MACF1: variants seen among roughly 807,000 people sequenced by gnomAD.
The protein encoded by MACF1 is microtubule-actin cross-linking factor 1.
A neutral mutation model predicts 854.8 loss-of-function variants in MACF1; 193 were observed. The ratio of observed to expected loss-of-function variants is 0.23; its 90% confidence interval spans 0.20 to 0.25. The LOEUF (loss-of-function observed/expected upper bound fraction) is 0.25, where lower values mean the gene tolerates loss of function less well. Among genes scored for constraint, MACF1 ranks in the 10% least tolerant of loss-of-function variants. The pLI, the probability that MACF1 is intolerant of heterozygous loss-of-function variation, is 1.00. For synonymous variants in MACF1, 3,185 were observed against 3,226.7 expected (o/e 0.99, Z 0.44); for missense variants, 7,722 against 8,929.1 (o/e 0.86, Z 5.45).
At chr1:39,367,474 C>T (rs568719571) in intron 49 of MACF1, among the ~76,000 whole-genome samples, 2 of 152,206 alleles carry the variant, frequency 1.3e-5, no homozygotes, top group South Asian at 4.1e-4. Context: ...GCTGGGATTA[C>T]AGGCGTGAGC....
At chr1:39,359,403 T>C (rs1427944112) in intron 47 of MACF1, 139 bp downstream of exon 47, 27 of 1,009,412 alleles carry the variant, frequency 2.7e-5, no homozygotes, top group Non-Finnish European at 3.6e-5. Flanking sequence ...TAGACATAGA[T>C]TGTCATCAAA....
chr1:39,121,535 G>A (rs1047008981), intron 2 of MACF1, among the ~76,000 whole-genome samples: 14 of 151,854 alleles, frequency 9.2e-5, no homozygotes, highest in African/African-American at 2.7e-4. Flanking sequence ...CTACAACTTC[G>A]CCTCCCGGGT....
intron 58 of MACF1, chr1:39,412,786 C>T (rs1243918155): frequency 1.2e-6 from 2 of 1,612,758 alleles, no homozygotes; most frequent in Non-Finnish European, 8.5e-7. Context: ...TGCTGCAGTA[C>T]CCACTGTCAA....
At chr1:39,189,183 T>A (rs185174735) in intron 2 of MACF1, among the ~76,000 whole-genome samples, 9 of 152,348 alleles carry the variant, frequency 5.9e-5, no homozygotes, top group Admixed American at 3.9e-4. Context: ...AGGTTCCTGG[T>A]GCTTCCAATT....
Position 39,485,569 on chromosome 1 carries a change from T to A in MACF1, c.22443T>A (p.Ser7481Arg). The A allele has an allele frequency of 6.2e-7, 1 of 1,613,638 alleles. No homozygotes were observed. Among genetic ancestry groups the A allele is most frequent in the Non-Finnish European group, 8.5e-7 (1 of 1,179,766 alleles). The change falls in exon 101 of 101, where the codon AGT becomes AGA. Residue 7481 changes from serine to arginine, a missense_variant. Physicochemically the swap from Ser to Arg is moderately radical, Grantham distance 110. Around this residue, in one of 15 missense-constraint regions of MACF1, gnomAD observed 185 missense variants for 225.7 expected, o/e 0.82. Coordinates refer to ENST00000564288, the MANE Select transcript of MACF1 (RefSeq NM_001394062.1). The stretch of plus-strand genomic sequence containing the variant: ...AAAAGTCTGCCAGTCGCCCTGGGAG[T>A]CGGGCTGGGAGTCGAGCCGGGAGTC... ...DPKKSASRPG[S>R]RAGSRAGSRA...
Position 39,335,913 on chromosome 1 carries a change from C to T in MACF1, c.9325C>T (p.Pro3109Ser). The T allele has an allele frequency of 3.7e-6, 6 of 1,614,022 alleles. No homozygotes were observed. Among genetic ancestry groups the T allele is most frequent in the East Asian group, 2.2e-5 (1 of 44,882 alleles). ...SEPFPCMTPR[P>S]EGLHYQESDG... ...ACCATTCCCTTGTATGACCCCAAGA[C>T]CTGAAGGATTGCACTACCAGGAATC... The change falls in exon 37 of 101, where the codon CCT becomes TCT. Residue 3109 changes from proline (P) to serine (S), a missense_variant. Physicochemically the swap from Pro to Ser is moderately conservative, Grantham distance 74 (BLOSUM62 -1). Around this residue, in one of 15 missense-constraint regions of MACF1, gnomAD observed 854 missense variants for 852.6 expected, o/e 1.00. Transcript: ENST00000564288.
At position 39,285,456 on chromosome 1, in the gene MACF1, A is replaced by G. The variant is rs1014147796; in HGVS notation, c.1353+66A>G. 13 of 1,578,784 alleles carry G rather than the reference A, an allele frequency of 8.2e-6. No homozygotes were observed. The African/African-American group carries it at 1.8e-4, about 21-fold the overall frequency. On this transcript the variant is annotated intron_variant, in intron 13 of 100. Transcript: ENST00000564288. ...TTTCCTGCTTCTCACCCTCTGCTCT[A>G]ATTGTTGAAGTTAGCAATCGAGGAA...
chr1:39,348,356 G>A (rs1038873004), intron 41 of MACF1, among the ~76,000 whole-genome samples: 3 of 152,230 alleles, frequency 2.0e-5, no homozygotes, highest in Admixed American at 2.0e-4. Flanking sequence ...CTGAGCTGCA[G>A]CAGGTGATAG....
At chr1:39,232,846 G>T (rs959025785) in intron 2 of MACF1, among the ~76,000 whole-genome samples, 30 of 150,798 alleles carry the variant, frequency 2.0e-4, no homozygotes, top group Non-Finnish European at 4.3e-4. Flanking sequence ...ACATTGGGAA[G>T]ATCACAGCTC....
Position 39,105,831 on chromosome 1 carries a change from C to G in MACF1, c.220+21393C>G. 1.2e-6 allele frequency: 1 copy of G among 853,588 alleles called. No homozygotes were observed. Among genetic ancestry groups the G allele is most frequent in the South Asian group, 5.3e-5 (1 of 18,918 alleles). The allele number at this position is 853,588 out of a possible 1,614,324, so 52.9% of individuals were successfully genotyped here. A position where few individuals can be genotyped will look rare whatever the true frequency, so the allele number is the denominator to read the frequency against. ...CGGCCGGGCGGGGTCGCACCCACCG[C>G]GCGGGGCTTGGCCCTGAGCTGCTGC... On this transcript the variant is annotated intron_variant, in intron 2 of 93. Coordinates refer to the MACF1 transcript ENST00000361689. This position sits in a 1 kb window ranked among gnomAD's most constrained non-coding sequence, Gnocchi z 5.9.
intron 2 of MACF1, among the ~76,000 whole-genome samples, chr1:39,197,886 G>A (rs1033249806): frequency 1.3e-5 from 2 of 151,970 alleles, no homozygotes; most frequent in African/African-American, 4.8e-5. Context: ...ACCATGTTTC[G>A]AAAAAGATGG....
At chr1:39,452,948 C>A in intron 87 of MACF1, 136 bp downstream of exon 87, 3 of 967,392 alleles carry the variant, frequency 3.1e-6, no homozygotes, top group Non-Finnish European at 1.5e-6. Context: ...GGCCCTAGCT[C>A]ATTGGTTTAG....
chr1:39,300,957 G>A (rs1051691563), intron 22 of MACF1, among the ~76,000 whole-genome samples: 1 of 152,050 alleles, frequency 6.6e-6, no homozygotes, highest in Admixed American at 6.6e-5. Flanking sequence ...AGGAAGTGGA[G>A]GTTGCAGTGA....
chr1:39,362,149 C>T (rs561074254), intron 49 of MACF1, among the ~76,000 whole-genome samples: 1 of 152,304 alleles, frequency 6.6e-6, no homozygotes, highest in East Asian at 1.9e-4. Flanking sequence ...ACAGCTACCA[C>T]AGATATATAT....
chr1:39,438,732 C>G (rs1013088167), intron 71 of MACF1, among the ~76,000 whole-genome samples: 2 of 147,156 alleles, frequency 1.4e-5, no homozygotes, highest in Admixed American at 1.3e-4. Context: ...GAGCCAAGAT[C>G]ACACCACTGC....
At position 39,444,748 on chromosome 1, in the gene MACF1, C is replaced by G; in HGVS notation, c.19518C>G (p.Asp6506Glu). ...KGRLMLLSRD[D>E]SGSGSKTEQS... is the part of the protein sequence containing the mutation. The stretch of plus-strand genomic sequence containing the variant: ...GACTCATGCTTCTAAGCCGTGACGA[C>G]TCTGGGTCTGGCTCCAAGACAGAAC... The change falls in exon 80 of 101, where the codon GAC (aspartate) becomes GAG (glutamate). Residue 6506 changes from aspartate to glutamate, a missense_variant. Around this residue, in one of 15 missense-constraint regions of MACF1, gnomAD observed 729 missense variants for 900.5 expected, o/e 0.81. Transcript: ENST00000564288. The G allele has an allele frequency of 1.9e-6, 3 of 1,614,150 alleles. No homozygotes were observed. Among genetic ancestry groups the G allele is most frequent in the Non-Finnish European group, 2.5e-6 (3 of 1,179,996 alleles).
intron 2 of MACF1, among the ~76,000 whole-genome samples, chr1:39,240,377 C>T (rs994857548): frequency 2.0e-5 from 3 of 152,132 alleles, no homozygotes; most frequent in African/African-American, 7.2e-5. Flanking sequence ...TTTTTTAGGG[C>T]TTAATTTCAC....
At chr1:39,379,555 C>A (rs897397413) in intron 54 of MACF1, 111 bp downstream of exon 54, 2 of 1,173,454 alleles carry the variant, frequency 1.7e-6, no homozygotes, top group Admixed American at 2.5e-5. Flanking sequence ...ACAATCTAGG[C>A]TGTGATGGGC....
rs7545369 is a variant in MACF1, at chr1:39,257,917, G to A, written c.436-19G>A. The stretch of plus-strand genomic sequence containing the variant: ...AAAAAGTCCTAGAGCTCTGAGCCGT[G>A]CTTTTATTTCTTTTTCAGGTGAAAC... On this transcript the variant is annotated intron_variant, in intron 5 of 100. Coordinates refer to ENST00000564288, the MANE Select transcript of MACF1 (RefSeq NM_001394062.1). 11,513 of 1,583,486 alleles carry A rather than the reference G, an allele frequency of 7.3e-3. 55 individuals are homozygous for A. The highest frequency in any genetic ancestry group is 9.2e-3 in the Non-Finnish European group (10,586 of 1,152,506).
Sources: gnomAD v4.1 joint callset for allele counts (sites outside exome capture counted in the v4.1 genomes callset) on GRCh38, gnomAD v4.1.1 for gene constraint, gnomAD v4.1.1 regional missense constraint, Gnocchi (gnomAD v3.1) non-coding constraint, MANE v1.5 for transcripts, NCBI Gene and HGNC (gene_info 2026-07-23, HGNC 2026-07-21) for gene names.